The following TP63 variants were observed in gnomAD, a reference collection of about 807,000 sequenced individuals.
The protein encoded by TP63 is tumor protein 63.
TP63 carries 17 observed loss-of-function variants against 82.8 expected under a neutral mutation model. That is an observed-to-expected ratio of 0.21 (90% CI 0.14 to 0.31). The LOEUF (loss-of-function observed/expected upper bound fraction) is 0.31. Among genes scored for constraint, TP63 ranks in the 10% least tolerant of loss-of-function variants. TP63 has a pLI of 1.00. For missense variants in TP63, 648 were observed against 895.3 expected, an observed-to-expected ratio of 0.72 and a Z score of 3.52; for synonymous variants, 330 against 321.7, an observed-to-expected ratio of 1.03 and a Z score of -0.28.
At chr3:189,615,315 C>T in the TP63 span, among the ~76,000 whole-genome samples, 1 of 152,106 alleles carries the variant, frequency 6.6e-6, no homozygotes, top group African/African-American at 2.4e-5. Context: ...TGGCATGTTC[C>T]TCCCTCACCT....
At chr3:189,834,196 G>A (rs1328180996) in intron 4 of TP63, among the ~76,000 whole-genome samples, 1 of 152,088 alleles carries the variant, frequency 6.6e-6, no homozygotes, top group Non-Finnish European at 1.5e-5. Context: ...TAGAAATTGG[G>A]GATGCTTTTA....
intron 1 of TP63, among the ~76,000 whole-genome samples, chr3:189,708,621 A>G (rs1287369543): frequency 6.6e-6 from 1 of 152,168 alleles, no homozygotes; most frequent in East Asian, 1.9e-4. Flanking sequence ...CAGGTTGTAA[A>G]GGGAAGCACG....
chr3:189,655,281 A>G (rs549054235), intron 1 of TP63, among the ~76,000 whole-genome samples: 149 of 152,254 alleles, frequency 9.8e-4, no homozygotes, highest in Non-Finnish European at 2.0e-3. Flanking sequence ...CAAATCAATA[A>G]CTTTTTTTGA....
intron 4 of TP63, among the ~76,000 whole-genome samples, chr3:189,853,112 A>G (rs1471943177): frequency 6.6e-6 from 1 of 152,116 alleles, no homozygotes; most frequent in Non-Finnish European, 1.5e-5. Context: ...GTGACTTCTC[A>G]TCACCTCTAC....
chr3:189,740,137 G>T (rs1720877389), intron 3 of TP63, among the ~76,000 whole-genome samples: 1 of 152,120 alleles, frequency 6.6e-6, no homozygotes, highest in South Asian at 2.1e-4. Flanking sequence ...CTTTTTCATT[G>T]ACTCTTTTCA....
intron 4 of TP63, among the ~76,000 whole-genome samples, chr3:189,830,953 A>C (rs1712238401): frequency 6.6e-6 from 1 of 152,216 alleles, no homozygotes; most frequent in South Asian, 2.1e-4. Context: ...AAATGTGTAA[A>C]ATTATCTCAC....
chr3:189,849,246 G>T (rs1715328567), intron 4 of TP63, among the ~76,000 whole-genome samples: 1 of 152,268 alleles, frequency 6.6e-6, no homozygotes, highest in South Asian at 2.1e-4. Context: ...GTGTTTCCTT[G>T]AATTCTGTAA....
At chr3:189,748,323 A>G (rs955939848) in intron 3 of TP63, among the ~76,000 whole-genome samples, 1 of 152,034 alleles carries the variant, frequency 6.6e-6, no homozygotes, top group East Asian at 1.9e-4. Flanking sequence ...GATCTGATAA[A>G]TGAATTCAAT....
intron 1 of TP63, among the ~76,000 whole-genome samples, chr3:189,687,053 G>T (rs774300432): frequency 2.6e-5 from 4 of 151,960 alleles, no homozygotes; most frequent in Admixed American, 1.3e-4. Context: ...TTAATGCTAG[G>T]AAGAGGAGGT....
At chr3:189,711,917 T>C (rs1412664257) in intron 1 of TP63, among the ~76,000 whole-genome samples, 1 of 152,034 alleles carries the variant, frequency 6.6e-6, no homozygotes, top group Non-Finnish European at 1.5e-5. Flanking sequence ...TCATGTTGGT[T>C]TGGTGGATGG....
chr3:189,596,794 G>C, the TP63 span, among the ~76,000 whole-genome samples: 3 of 152,144 alleles, frequency 2.0e-5, no homozygotes, highest in African/African-American at 7.2e-5. Flanking sequence ...TTGTTCTTTT[G>C]CTCTTTGCAG....
chr3:189,848,117 T>C (rs1715121374), intron 4 of TP63, among the ~76,000 whole-genome samples: 1 of 152,204 alleles, frequency 6.6e-6, no homozygotes, highest in African/African-American at 2.4e-5. Context: ...TTCTCCTTTC[T>C]GGGGCTTAGA....
chr3:189,833,214 C>T (rs941801698), intron 4 of TP63, among the ~76,000 whole-genome samples: 3 of 152,170 alleles, frequency 2.0e-5, no homozygotes, highest in African/African-American at 4.8e-5. Context: ...ATGACAAATT[C>T]AGCACAGTGA....
At chr3:189,744,912 C>G (rs1175208964) in intron 3 of TP63, among the ~76,000 whole-genome samples, 1 of 152,204 alleles carries the variant, frequency 6.6e-6, no homozygotes, top group Admixed American at 6.5e-5. Flanking sequence ...AGTCCAAAGG[C>G]TGGCCTACCG....
At chr3:189,743,179 C>A (rs1325617938) in intron 3 of TP63, among the ~76,000 whole-genome samples, 2 of 151,978 alleles carry the variant, frequency 1.3e-5, no homozygotes, top group African/African-American at 4.8e-5. Flanking sequence ...AGGTAATTCA[C>A]AAATGATTAA....
intron 1 of TP63, among the ~76,000 whole-genome samples, chr3:189,722,041 TGAG>T (rs1719432505): frequency 1.3e-5 from 2 of 152,132 alleles, no homozygotes; most frequent in East Asian, 3.9e-4. Context: ...GAGATCTTAC[TGAG>T]GATGAATTAG....
chr3:189,663,521 CTTTTT>C (rs397991949), intron 1 of TP63, among the ~76,000 whole-genome samples: 4 of 84,552 alleles, frequency 4.7e-5, no homozygotes, highest in Admixed American at 1.9e-4. Flanking sequence ...TTCATTCATT[CTTTTT>C]TTTTTTTTTT....
chr3:189,743,957 G>A (rs1296764506), intron 3 of TP63, among the ~76,000 whole-genome samples: 1 of 152,184 alleles, frequency 6.6e-6, no homozygotes, highest in Non-Finnish European at 1.5e-5. Flanking sequence ...CTACTCAACA[G>A]TATTGCTCCA....
chr3:189,630,224 T>G (rs573686160), upstream of TP63, among the ~76,000 whole-genome samples: 1 of 152,278 alleles, frequency 6.6e-6, no homozygotes, highest in African/African-American at 2.4e-5. Context: ...TATTTACAGG[T>G]GTGTCCTGTG....
Sources: gnomAD v4.1 joint callset for allele counts (sites outside exome capture counted in the v4.1 genomes callset) on GRCh38, gnomAD v4.1.1 for gene constraint, MANE v1.5 for transcripts, NCBI Gene and HGNC (gene_info 2026-07-23, HGNC 2026-07-21) for gene names.